The following CLDN19 variants were observed in gnomAD, a reference collection of about 807,000 sequenced individuals.
CLDN19 encodes claudin 19.
In CLDN19, 19 loss-of-function variants were observed where a neutral mutation model predicts 24.5. That is an observed-to-expected ratio of 0.78 (90% CI 0.54 to 1.14). The LOEUF (loss-of-function observed/expected upper bound fraction) is 1.14. Among genes scored for constraint, CLDN19 ranks in the 50% most tolerant of loss-of-function variants. CLDN19 has a pLI of 0.00. For missense variants in CLDN19, 250 were observed against 295.9 expected (o/e 0.84, Z 1.14); for synonymous variants, 117 against 129.6 (o/e 0.90, Z 0.66).
rs567519981 is a variant in CLDN19 at position 42,736,404 on chromosome 1, G to GGGAAACT, written c.474-375_474-374insAGTTTCC. 2.6e-3 allele frequency among the ~76,000 whole-genome samples: 389 copies of GGGAAACT among 152,268 alleles called. 2 individuals carry two copies. Among genetic ancestry groups the GGGAAACT allele is most frequent in the African/African-American group, 9.2e-3 (381 of 41,552 alleles). ...CATGTTTTTTCCCAGTCACATTCTG[G>GGGAAACT]CCCACAGAACTCCCAGCCAAGACTG... is the stretch of plus-strand genomic sequence containing the variant. On this transcript the variant is annotated intron_variant, in intron 3 of 4. Coordinates refer to ENST00000296387, the MANE Select transcript of CLDN19 (RefSeq NM_148960.3).
chr1:42,735,076 G>A lies in CLDN19; in HGVS notation c.*10C>T, dbSNP rs768871931. The stretch of plus-strand genomic sequence containing the variant: ...ATGGCAGGGGACAGAGCCTGGCTGG[G>A]GACTGGACATTACACACCCAGGGGG... On this transcript the variant is annotated 3_prime_UTR_variant, in exon 5 of 5. Coordinates refer to ENST00000296387, the MANE Select transcript of CLDN19 (RefSeq NM_148960.3). 1.1e-5 allele frequency: 17 copies of A among 1,598,396 alleles called. No homozygotes were observed. The highest frequency in any genetic ancestry group is 9.9e-5 in the South Asian group (9 of 90,736).
At position 42,738,484 on chromosome 1, in the gene CLDN19, C is replaced by T. The variant is rs1651443863; in HGVS notation, c.325G>A (p.Asp109Asn). 1 of 1,614,042 alleles carries T rather than the reference C, an allele frequency of 6.2e-7. No homozygotes were observed. The highest frequency in any genetic ancestry group is 8.5e-7 in the Non-Finnish European group (1 of 1,180,034). ...CGGCCCTTGGCAATGGGGTTGCTGT[C>T]TCCCACCCGCGTACACTTCATGCCA... ...VVGMKCTRVGDSNPIAKGRVA... is the reference protein window; with the variant it reads ...VVGMKCTRVGNSNPIAKGRVA... Residue 109 changes from aspartate (D) to asparagine (N), a missense_variant, in exon 2 of 5, where the codon GAC (aspartate) becomes AAC (asparagine). Transcript: ENST00000296387.
In CLDN19 at chr1:42,739,850, C is replaced by A; in HGVS notation, c.214G>T (p.Ala72Ser). The change falls in exon 1 of 5, where the codon GCC becomes TCC. Residue 72 changes from alanine to serine, a missense_variant. Coordinates refer to ENST00000296387, the MANE Select transcript of CLDN19 (RefSeq NM_148960.3). ...CCGGCCTGGGGCCTACCGTCCAGGG[C>A]GAGCAGCGAGTCGTAGAGCTTGCAC... ...VQCKLYDSLL[A>S]LDGHIQSARA... 7 of 1,612,838 alleles carry A rather than the reference C, an allele frequency of 4.3e-6. No individual in the cohort carries two copies. The highest frequency in any genetic ancestry group is 5.9e-6 in the Non-Finnish European group (7 of 1,179,764).
In CLDN19 at chr1:42,735,062, C is replaced by CT; in HGVS notation, c.*23_*24insA. On this transcript the variant is annotated 3_prime_UTR_variant, in exon 5 of 5. Transcript: ENST00000296387. ...CACACAGTCTAGGTATGGCAGGGGA[C>CT]AGAGCCTGGCTGGGGACTGGACATT... 6.4e-7 allele frequency: 1 copy of CT among 1,559,348 alleles called. No individual in the cohort carries two copies. Among genetic ancestry groups the CT allele is most frequent in the Non-Finnish European group, 8.8e-7 (1 of 1,130,494 alleles).
At chr1:42,735,217 G>A (rs919004200) in intron 4 of CLDN19, 83 bp from the exon 5 acceptor site, 1 of 1,596,348 alleles carries the variant, frequency 6.3e-7, no homozygotes, top group South Asian at 1.1e-5. Flanking sequence ...GCCCGGACAT[G>A]GGTACTGGCC....
intron 4 of CLDN19, chr1:42,735,408 C>G (rs1651327171): frequency 1.4e-6 from 2 of 1,423,852 alleles, no homozygotes; most frequent in African/African-American, 2.9e-5. Context: ...CATCCCGGCA[C>G]TGCCCTTGTG....
intron 1 of CLDN19, 144 bp from the exon 2 acceptor site, chr1:42,738,729 G>C (rs1651455765): frequency 1.4e-6 from 1 of 722,098 alleles, no homozygotes; most frequent in Non-Finnish European, 2.4e-6. Flanking sequence ...GCAGGTGCAG[G>C]ATAGTGAGGA....
At chr1:42,735,850 G>A in intron 4 of CLDN19, 28 bp downstream of exon 4, 1 of 1,565,070 alleles carries the variant, frequency 6.4e-7, no homozygotes, top group Non-Finnish European at 8.7e-7. Context: ...GTGGGGGGCT[G>A]GCCAGGGCAG....
chr1:42,735,258 C>T, intron 4 of CLDN19, 124 bp from the exon 5 acceptor site: 1 of 1,552,152 alleles, frequency 6.4e-7, no homozygotes, highest in Non-Finnish European at 8.7e-7. Context: ...CTCACAGCAG[C>T]CCTGCCTGGG....
chr1:42,740,122 G>C lies in CLDN19; in HGVS notation c.-59C>G. On this transcript the variant is annotated 5_prime_UTR_variant, in exon 1 of 5. Transcript: ENST00000296387. Reference sequence around the variant, plus strand: ...CAGAGCTGGGCCAGGGTGCCAGCAGGGGCTTTGGTCATGGCCAGGTGGGAG... The same window carrying C: ...CAGAGCTGGGCCAGGGTGCCAGCAGCGGCTTTGGTCATGGCCAGGTGGGAG... The C allele has an allele frequency of 7.2e-7, 1 of 1,381,132 alleles. No individual in the cohort carries two copies. The highest frequency in any genetic ancestry group is 1.0e-6 in the Non-Finnish European group (1 of 1,000,764). The allele number at this position is 1,381,132 out of a possible 1,614,324, so 85.6% of individuals were successfully genotyped here. A position where few individuals can be genotyped will look rare whatever the true frequency, so the allele number is the denominator to read the frequency against.
Position 42,740,216 on chromosome 1 carries a change from A to G in CLDN19, c.-153T>C. Reference sequence around the variant, plus strand: ...AGAGAAGGAGAGGTGGTGCGGCGGCAGCGGCTGGAGCAAAGGCAGTGGCTC... The same window carrying G: ...AGAGAAGGAGAGGTGGTGCGGCGGCGGCGGCTGGAGCAAAGGCAGTGGCTC... On this transcript the variant is annotated 5_prime_UTR_variant, in exon 1 of 5. Coordinates refer to ENST00000296387, the MANE Select transcript of CLDN19 (RefSeq NM_148960.3). 4.3e-6 allele frequency: 3 copies of G among 689,784 alleles called. No individual in the cohort carries two copies. The highest frequency in any genetic ancestry group is 7.8e-6 in the Non-Finnish European group (3 of 382,800). The allele number at this position is 689,784 out of a possible 1,614,324, so 42.7% of individuals were successfully genotyped here. A position where few individuals can be genotyped will look rare whatever the true frequency, so the allele number is the denominator to read the frequency against.
At position 42,738,228 on chromosome 1, in the gene CLDN19, C is replaced by G; in HGVS notation, c.473+1G>C. The G allele has an allele frequency of 6.2e-7, 1 of 1,612,826 alleles. No individual in the cohort carries two copies. Among genetic ancestry groups the G allele is most frequent in the Non-Finnish European group, 8.5e-7 (1 of 1,179,154 alleles). Reference sequence around the variant, plus strand: ...CAAAAGACCCAAGCCCTGGCACCCACCTGGCATTGACAGGTGTGCTTGGGT... The same window carrying G: ...CAAAAGACCCAAGCCCTGGCACCCAGCTGGCATTGACAGGTGTGCTTGGGT... On this transcript the variant is annotated splice_donor_variant, in intron 3 of 4. Transcript: ENST00000296387. LOFTEE classifies it high-confidence loss of function.
chr1:42,738,644 C>T (rs1023899215), intron 1 of CLDN19, 59 bp from the exon 2 acceptor site: 9 of 1,563,450 alleles, frequency 5.8e-6, no homozygotes, highest in Non-Finnish European at 7.8e-6. Flanking sequence ...GGGTCGGTGC[C>T]TGGGGTCGGT....
At chr1:42,738,797 G>A (rs896820094) in intron 1 of CLDN19, among the ~76,000 whole-genome samples, 8 of 152,060 alleles carry the variant, frequency 5.3e-5, no homozygotes, top group East Asian at 1.9e-4. Context: ...CACTGTCAAC[G>A]CCATTCTCCA....
In CLDN19 at chr1:42,738,568, G is replaced by T. The variant is rs1450421453; in HGVS notation, c.241C>A (p.Arg81=). The T allele has an allele frequency of 6.2e-7, 1 of 1,613,760 alleles. No individual in the cohort carries two copies. The stretch of plus-strand genomic sequence containing the variant: ...AGCACGGCCACCACCATCAGGGCCC[G>T]CGCTGATTGGATGTGACCTAGGGTG... ...LALDGHIQSA[R]ALMVVAVLLG... is the part of the protein sequence containing the mutation. Residue 81 remains arginine, a synonymous_variant, in exon 2 of 5, where the codon CGG becomes AGG. Coordinates refer to ENST00000296387, the MANE Select transcript of CLDN19 (RefSeq NM_148960.3).
At chr1:42,735,208 C>G (rs1398992220) in intron 4 of CLDN19, 74 bp from the exon 5 acceptor site, 4 of 1,601,182 alleles carry the variant, frequency 2.5e-6, no homozygotes, top group Non-Finnish European at 3.4e-6. Context: ...TGCATTCAGG[C>G]CCGGACATGG....
chr1:42,739,285 G>A (rs548277592), intron 1 of CLDN19, among the ~76,000 whole-genome samples: 6 of 152,306 alleles, frequency 3.9e-5, no homozygotes, highest in African/African-American at 1.4e-4. Context: ...TTAGAACTTC[G>A]GCGGTGCCTG....
intron 4 of CLDN19, chr1:42,735,663 A>G (rs1427342313): frequency 2.2e-5 from 32 of 1,439,398 alleles, no homozygotes; most frequent in Non-Finnish European, 2.9e-5. Context: ...ATCTGTGTGT[A>G]TGCCTGGGGG....
intron 1 of CLDN19, among the ~76,000 whole-genome samples, chr1:42,739,367 C>T (rs554587876): frequency 1.4e-4 from 21 of 152,214 alleles, no homozygotes; most frequent in African/African-American, 3.9e-4. Flanking sequence ...TGCATGTGCA[C>T]GTGTGTGCGT....
Sources: allele counts gnomAD v4.1 joint callset (sites outside exome capture counted in the v4.1 genomes callset), GRCh38; gene constraint gnomAD v4.1.1; transcripts MANE v1.5; gene names NCBI Gene and HGNC (gene_info 2026-07-23, HGNC 2026-07-21).